The following NCKAP5 variants were observed in gnomAD, a reference collection of about 807,000 sequenced individuals.
NCKAP5 encodes NCK associated protein 5, also known as nck-associated protein 5.
A neutral mutation model predicts 167.0 loss-of-function variants in NCKAP5; 92 were observed. The ratio of observed to expected loss-of-function variants is 0.55; its 90% CI spans 0.47 to 0.66. The LOEUF (loss-of-function observed/expected upper bound fraction) is 0.66, where lower values mean the gene tolerates loss of function less well. NCKAP5 is among the 30% of genes least tolerant of loss of function. NCKAP5 has a pLI of 0.00. For synonymous variants in NCKAP5, 891 were observed against 877.4 expected, an observed-to-expected ratio of 1.02 and a Z score of -0.27; for missense variants, 2,378 against 2,315.0, an observed-to-expected ratio of 1.03 and a Z score of -0.56.
At chr2:133,435,455 G>A (rs1047724046) in intron 3 of NCKAP5, among the ~76,000 whole-genome samples, 4 of 152,142 alleles carry the variant, frequency 2.6e-5, no homozygotes, top group Non-Finnish European at 4.4e-5. Context: ...CACAGCTCAC[G>A]TCACTGAAAA....
At chr2:133,404,380 A>G (rs1366504858) in intron 3 of NCKAP5, among the ~76,000 whole-genome samples, 1 of 152,248 alleles carries the variant, frequency 6.6e-6, no homozygotes, top group African/African-American at 2.4e-5. Context: ...AACTTCAGAC[A>G]GTACCGAGCC....
At chr2:133,465,339 C>T (rs1692498848) in intron 3 of NCKAP5, among the ~76,000 whole-genome samples, 1 of 152,006 alleles carries the variant, frequency 6.6e-6, no homozygotes, top group Non-Finnish European at 1.5e-5. Context: ...GACATGAACT[C>T]ATCATTTTTT....
At chr2:132,970,693 G>A (rs1286116428) in intron 7 of NCKAP5, among the ~76,000 whole-genome samples, 1 of 152,112 alleles carries the variant, frequency 6.6e-6, no homozygotes, top group African/African-American at 2.4e-5. Flanking sequence ...TGGTATCTAG[G>A]GTAATGATTC....
At chr2:133,662,710 TTAAAA>T in the NCKAP5 span, among the ~76,000 whole-genome samples, 1 of 149,836 alleles carries the variant, frequency 6.7e-6, no homozygotes, top group Non-Finnish European at 1.5e-5. Context: ...TTTCTGAATA[TTAAAA>T]TAATAGGTAT....
intron 7 of NCKAP5, among the ~76,000 whole-genome samples, chr2:132,967,038 T>C (rs372939110): frequency 6.6e-6 from 1 of 152,144 alleles, no homozygotes; most frequent in Non-Finnish European, 1.5e-5. Flanking sequence ...CACCATTCCA[T>C]GTATGTTCAC....
chr2:133,439,247 G>A (rs1410846948), intron 3 of NCKAP5, among the ~76,000 whole-genome samples: 1 of 152,112 alleles, frequency 6.6e-6, no homozygotes, highest in Non-Finnish European at 1.5e-5. Flanking sequence ...ACTGTGAAAG[G>A]GGAGGATTTG....
chr2:132,943,936 C>T (rs1426457867), intron 8 of NCKAP5, among the ~76,000 whole-genome samples: 1 of 152,180 alleles, frequency 6.6e-6, no homozygotes, highest in Non-Finnish European at 1.5e-5. Flanking sequence ...ACTTGGTCTG[C>T]TTTAAGAGTT....
At chr2:133,520,013 C>T (rs747562638) in intron 2 of NCKAP5, among the ~76,000 whole-genome samples, 2 of 151,910 alleles carry the variant, frequency 1.3e-5, no homozygotes, top group Non-Finnish European at 2.9e-5. Flanking sequence ...TGGTGAAACC[C>T]CATCTCTACT....
chr2:133,212,337 C>T (rs141480067), intron 5 of NCKAP5, among the ~76,000 whole-genome samples: 2 of 152,290 alleles, frequency 1.3e-5, no homozygotes, highest in Non-Finnish European at 2.9e-5. Context: ...TTTTCTCCCT[C>T]TTGTTTCCAT....
the NCKAP5 span, among the ~76,000 whole-genome samples, chr2:133,606,695 T>C: frequency 6.9e-6 from 1 of 144,304 alleles, no homozygotes; most frequent in Non-Finnish European, 1.5e-5. Context: ...ACACCAAGCT[T>C]GAGAATCTCT....
chr2:133,572,806 G>A (rs974443134), upstream of NCKAP5, among the ~76,000 whole-genome samples: 60 of 152,162 alleles, frequency 3.9e-4, 5 homozygotes. Flanking sequence ...TTGAGAGTGT[G>A]AGTCTCAAGG....
At chr2:133,004,771 C>A (rs1255434763) in intron 6 of NCKAP5, among the ~76,000 whole-genome samples, 1 of 152,186 alleles carries the variant, frequency 6.6e-6, no homozygotes, top group Non-Finnish European at 1.5e-5. Context: ...CTAAACCTAG[C>A]AAGCCTGAGG....
chr2:133,306,633 G>C (rs1680799068), intron 3 of NCKAP5, among the ~76,000 whole-genome samples: 1 of 152,174 alleles, frequency 6.6e-6, no homozygotes, highest in Non-Finnish European at 1.5e-5. Context: ...GGCTGAGTGA[G>C]CTAAGAATTT....
intron 3 of NCKAP5, chr2:133,433,996 G>C (rs142218059): frequency 2.6e-5 from 4 of 152,126 alleles, no homozygotes; most frequent in Non-Finnish European, 5.9e-5. Context: ...AATCCAGTTC[G>C]TGTAGTCCAG....
At chr2:132,697,152 T>C (rs1024483383) in intron 19 of NCKAP5, among the ~76,000 whole-genome samples, 3 of 131,996 alleles carry the variant, frequency 2.3e-5, no homozygotes, top group African/African-American at 8.8e-5. Flanking sequence ...TCTCTCTAAG[T>C]GCTGGGATTA....
intron 3 of NCKAP5, among the ~76,000 whole-genome samples, chr2:133,364,675 C>A (rs764869342): frequency 1.3e-5 from 2 of 152,024 alleles, no homozygotes; most frequent in Non-Finnish European, 2.9e-5. Flanking sequence ...TGAGGCTGTG[C>A]AGTTTTGGCA....
In NCKAP5 at chr2:133,202,491, T is replaced by A. The variant is rs564463761; in HGVS notation, c.207+11225A>T. On this transcript the variant is annotated intron_variant, in intron 5 of 19. Coordinates refer to ENST00000409261, the MANE Select transcript of NCKAP5 (RefSeq NM_207363.3). The stretch of plus-strand genomic sequence containing the variant: ...CATAGGCATGGACAAGGACTTCAGG[T>A]CTAAAACACCAAAAGCAAAGATAAC... Among the ~76,000 whole-genome samples the A allele has an allele frequency of 3.9e-5, 6 of 152,010 alleles. No homozygotes were observed. The South Asian group carries it at 6.3e-4, about 16-fold the overall frequency.
chr2:133,273,938 A>G (rs1370518061), intron 4 of NCKAP5, among the ~76,000 whole-genome samples: 1 of 151,462 alleles, frequency 6.6e-6, no homozygotes, highest in Admixed American at 6.6e-5. Flanking sequence ...CCAGGAATAA[A>G]AGGGAATGCC....
chr2:133,620,765 A>G, the NCKAP5 span, among the ~76,000 whole-genome samples: 1 of 152,190 alleles, frequency 6.6e-6, no homozygotes, highest in African/African-American at 2.4e-5. Context: ...CCTTAGAACA[A>G]ATGAACTTAA....
Sources: gnomAD v4.1 joint callset for allele counts (sites outside exome capture counted in the v4.1 genomes callset) on GRCh38, gnomAD v4.1.1 for gene constraint, MANE v1.5 for transcripts, NCBI Gene and HGNC (gene_info 2026-07-23, HGNC 2026-07-21) for gene names.